Variants in MMP11 observed in about 807,000 individuals in gnomAD.
The protein encoded by MMP11 is stromelysin-3.
MMP11 carries 26 observed loss-of-function variants against 49.5 expected under a neutral mutation model. The ratio of observed to expected loss-of-function variants is 0.52; its 90% CI spans 0.38 to 0.73. The LOEUF (loss-of-function observed/expected upper bound fraction) is 0.73. Among genes scored for constraint, MMP11 ranks in the 30% least tolerant of loss-of-function variants. MMP11 has a pLI of 0.00. For missense variants in MMP11, 624 were observed against 671.2 expected, an observed-to-expected ratio of 0.93 and a Z score of 0.78; for synonymous variants, 265 against 282.3, an observed-to-expected ratio of 0.94 and a Z score of 0.62.
In MMP11 at chr22:23,780,357, A is replaced by G. The variant is rs758435089; in HGVS notation, c.339-2A>G. The G allele has an allele frequency of 6.2e-7, 1 of 1,612,656 alleles. No individual in the cohort carries two copies. The highest frequency in any genetic ancestry group is 1.1e-5 in the South Asian group (1 of 91,026). On this transcript the variant is annotated splice_acceptor_variant, in intron 2 of 7. Transcript: ENST00000215743. LOFTEE classifies it high-confidence loss of function. This position sits in a 1 kb window ranked among gnomAD's most constrained non-coding sequence, Gnocchi z 4.6. ...GGCCCAGGCCCCTCCATCTCCCTCC[A>G]GGATCCTTCGGTTCCCATGGCAGTT...
At chr22:23,774,917 C>T (rs1927358476) in intron 1 of MMP11, among the ~76,000 whole-genome samples, 1 of 152,184 alleles carries the variant, frequency 6.6e-6, no homozygotes, top group Non-Finnish European at 1.5e-5. Context: ...GCGGGGTTGA[C>T]TCCGAGTCTC....
Position 23,781,218 on chromosome 22 carries a change from A to C in MMP11, c.884A>C (p.Glu295Ala), listed in dbSNP as rs780066934. 8.7e-6 allele frequency: 14 copies of C among 1,611,520 alleles called. No individual in the cohort carries two copies. The highest frequency in any genetic ancestry group is 1.2e-5 in the Non-Finnish European group (14 of 1,180,012). The change falls in exon 6 of 8, where the codon GAG becomes GCG. Residue 295 changes from glutamate (E) to alanine (A), a missense_variant. Physicochemically the swap from Glu to Ala is moderately radical, Grantham distance 107. Coordinates refer to ENST00000215743, the MANE Select transcript of MMP11 (RefSeq NM_005940.5). ...CCAGACGCCCCGCCAGATGCCTGTG[A>C]GGCCTCCTTTGACGCGGTCTCCACC... ...LEPDAPPDAC[E>A]ASFDAVSTIR...
In MMP11 at chr22:23,784,267, CTTTTTT is replaced by C. The variant is rs56393727; in HGVS notation, c.*731_*736del. On this transcript the variant is annotated 3_prime_UTR_variant, in exon 8 of 8. Transcript: ENST00000215743. Reference sequence around the variant, plus strand: ...TACAGTGTGTATAAACCTTCTTCTTCTTTTTTTTTTTTTAAACTGAGGATTGTCATT... The same window carrying C: ...TACAGTGTGTATAAACCTTCTTCTTCTTTTTTTAAACTGAGGATTGTCATT... 7 of 148,732 alleles carry C rather than the reference CTTTTTT, an allele frequency of 4.7e-5. No homozygotes were observed. The highest frequency in any genetic ancestry group is 8.9e-5 in the Non-Finnish European group (6 of 67,098). 9.2% of individuals were successfully genotyped at this position (148,732 alleles called of 1,614,324 possible).
At chr22:23,781,560 T>C (rs1003630717) in intron 6 of MMP11, 151 bp downstream of exon 6, 42 of 760,270 alleles carry the variant, frequency 5.5e-5, no homozygotes, top group Non-Finnish European at 8.2e-5. Flanking sequence ...GAGTGTGGTT[T>C]GTTCCTCAGG....
In MMP11 at chr22:23,780,415, A is replaced by T. The variant is rs1413913654; in HGVS notation, c.395A>T (p.Glu132Val). 6.2e-7 allele frequency: 1 copy of T among 1,613,912 alleles called. No homozygotes were observed. The highest frequency in any genetic ancestry group is 8.5e-7 in the Non-Finnish European group (1 of 1,180,032). Reference protein sequence around the residue: ...VQEQVRQTMAEALKVWSDVTP... With the variant: ...VQEQVRQTMAVALKVWSDVTP... Reference sequence around the variant, plus strand: ...GAGCAGGTGCGGCAGACGATGGCAGAGGCCCTAAAGGTATGGAGCGATGTG... The same window carrying T: ...GAGCAGGTGCGGCAGACGATGGCAGTGGCCCTAAAGGTATGGAGCGATGTG... Residue 132 changes from glutamate (E) to valine (V), a missense_variant, in exon 3 of 8, where the codon GAG becomes GTG. Coordinates refer to ENST00000215743, the MANE Select transcript of MMP11 (RefSeq NM_005940.5). This position sits in a 1 kb window ranked among gnomAD's most constrained non-coding sequence, Gnocchi z 4.6.
At chr22:23,776,948 C>T (rs987049725) in intron 1 of MMP11, among the ~76,000 whole-genome samples, 1 of 151,720 alleles carries the variant, frequency 6.6e-6, no homozygotes, top group Admixed American at 6.6e-5. Context: ...GCTGGGACTA[C>T]AGGAGCCCGC....
At chr22:23,781,142 A>G in intron 5 of MMP11, 42 bp downstream of exon 5, 2 of 1,606,994 alleles carry the variant, frequency 1.2e-6, no homozygotes, top group Non-Finnish European at 1.7e-6. Flanking sequence ...TCTGCTGGCC[A>G]CTGTGACTGC....
intron 1 of MMP11, among the ~76,000 whole-genome samples, chr22:23,776,871 G>A (rs1414755122): frequency 1.3e-5 from 2 of 149,808 alleles, no homozygotes; most frequent in African/African-American, 2.5e-5. Context: ...GCTGTGGCAC[G>A]ATCTCGGCTC....
Position 23,772,920 on chromosome 22 carries a change from C to A in MMP11, c.50C>A (p.Pro17His). 1 of 1,206,636 alleles carries A rather than the reference C, an allele frequency of 8.3e-7. No individual in the cohort carries two copies. The highest frequency in any genetic ancestry group is 1.0e-6 in the Non-Finnish European group (1 of 968,888). The allele number at this position is 1,206,636 out of a possible 1,614,324, so 74.7% of individuals were successfully genotyped here. A position where few individuals can be genotyped will look rare whatever the true frequency, so the allele number is the denominator to read the frequency against. The change falls in exon 1 of 8, where the codon CCC (proline) becomes CAC (histidine). Residue 17 changes from proline (P) to histidine (H), a missense_variant. Pro to His is a moderately conservative substitution (Grantham distance 77). Coordinates refer to ENST00000215743, the MANE Select transcript of MMP11 (RefSeq NM_005940.5). ...LRSAAARALL[P>H]PMLLLLLQPP... ...AGCGCGGCCGCGCGCGCCCTCCTGCCCCCGATGCTGCTGCTGCTGCTCCAG... is the reference window on the plus strand; with the variant it reads ...AGCGCGGCCGCGCGCGCCCTCCTGCACCCGATGCTGCTGCTGCTGCTCCAG...
In MMP11 at chr22:23,780,251, T is replaced by C; in HGVS notation, c.339-108T>C. ...TGAGGCCCAGAGTACACCTGGCCTGTGTCCTGAGTGTTCACACACCCACCA... is the reference window on the plus strand; with the variant it reads ...TGAGGCCCAGAGTACACCTGGCCTGCGTCCTGAGTGTTCACACACCCACCA... On this transcript the variant is annotated intron_variant, in intron 2 of 7. Transcript: ENST00000215743. The surrounding 1 kb of genome is among the most constrained non-coding windows in gnomAD (Gnocchi z 4.6). The C allele has an allele frequency of 7.2e-7, 1 of 1,391,498 alleles. No individual in the cohort carries two copies. The highest frequency in any genetic ancestry group is 9.9e-7 in the Non-Finnish European group (1 of 1,005,354). 86.2% of individuals were successfully genotyped at this position (1,391,498 alleles called of 1,614,324 possible).
Position 23,779,324 on chromosome 22 carries a change from G to A in MMP11, c.246G>A (p.Val82=), listed in dbSNP as rs1252284883. 1 of 1,612,844 alleles carries A rather than the reference G, an allele frequency of 6.2e-7. No homozygotes were observed. Among genetic ancestry groups the A allele is most frequent in the South Asian group, 1.1e-5 (1 of 90,954 alleles). The change falls in exon 2 of 8, where the codon GTG becomes GTA. Residue 82 remains valine (V), a synonymous_variant. Transcript: ENST00000215743. The part of the protein sequence containing the change: ...ASSLRPPRCG[V]PDPSDGLSAR... ...GCCTCAGGCCTCCCCGCTGTGGCGT[G>A]CCCGACCCATCTGATGGGCTGAGTG...
chr22:23,773,441 G>A (rs1927306501), intron 1 of MMP11, among the ~76,000 whole-genome samples: 1 of 152,232 alleles, frequency 6.6e-6, no homozygotes, highest in Admixed American at 6.5e-5. Context: ...AGGGAGGGCA[G>A]CGCTGTGCTG....
In MMP11 at chr22:23,781,376, G is replaced by A. The variant is rs200864019; in HGVS notation, c.1042G>A (p.Glu348Lys). The A allele has an allele frequency of 4.3e-6, 7 of 1,611,356 alleles. No individual in the cohort carries two copies. The Admixed American group carries it at 8.4e-5, about 19-fold the overall frequency. ...GCCCAGCCCTGTGGACGCTGCCTTC[G>A]AGGATGCCCAGGGCCACATTTGGTT... ...GLPSPVDAAF[E>K]DAQGHIWFFQ... Residue 348 changes from glutamate (E) to lysine (K), a missense_variant, in exon 6 of 8, where the codon GAG becomes AAG. Glu to Lys is a moderately conservative substitution (Grantham distance 56, BLOSUM62 1). Transcript: ENST00000215743.
chr22:23,773,079 G>T, intron 1 of MMP11, 101 bp downstream of exon 1: 1 of 1,060,820 alleles, frequency 9.4e-7, no homozygotes, highest in Non-Finnish European at 1.1e-6. Flanking sequence ...GCCCCGGGTG[G>T]CCTCCAGCGC....
In MMP11 at chr22:23,776,746, A is replaced by G. The variant is rs1927422916; in HGVS notation, c.109-2441A>G. Among the ~76,000 whole-genome samples, 3 of 151,520 alleles carry G rather than the reference A, an allele frequency of 2.0e-5. No individual in the cohort carries two copies. In the South Asian group the frequency reaches 6.2e-4, roughly 32 times the overall value. On this transcript the variant is annotated intron_variant, in intron 1 of 7. Transcript: ENST00000215743. The stretch of plus-strand genomic sequence containing the variant: ...GGTGGAGTTGGTGAGAGGTTCCATC[A>G]GGGGCTAAGAGCAAGTCTGTGGAGC...
Position 23,783,731 on chromosome 22 carries a change from T to C in MMP11, c.*187T>C. 1.4e-6 allele frequency: 1 copy of C among 710,040 alleles called. No individual in the cohort carries two copies. Among genetic ancestry groups the C allele is most frequent in the Non-Finnish European group, 2.3e-6 (1 of 428,736 alleles). The allele number at this position is 710,040 out of a possible 1,614,324, so 44.0% of individuals were successfully genotyped here. On this transcript the variant is annotated 3_prime_UTR_variant, in exon 8 of 8. Coordinates refer to ENST00000215743, the MANE Select transcript of MMP11 (RefSeq NM_005940.5). ...GAGGGCCACGCAGGTCGTGGTCACC[T>C]GCCAGCGACTGTCTCAGACTGGGCA...
Position 23,783,533 on chromosome 22 carries a change from A to C in MMP11, c.1456A>C (p.Thr486Pro), listed in dbSNP as rs776825461. The C allele has an allele frequency of 2.7e-5, 43 of 1,613,940 alleles. No individual in the cohort carries two copies. The Admixed American group carries it at 7.0e-4, about 26-fold the overall frequency. The change falls in exon 8 of 8, where the codon ACT becomes CCT. Residue 486 changes from threonine (T) to proline (P), a missense_variant. Transcript: ENST00000215743. ...CTTTGGCTGTGCCGAGCCTGCCAAC[A>C]CTTTCCTCTGACCATGGCTTGGATG... ...DFFGCAEPAN[T>P]FL
chr22:23,781,899 G>T (rs1477782693), intron 6 of MMP11: 2 of 647,844 alleles, frequency 3.1e-6, no homozygotes, highest in Non-Finnish European at 5.9e-6. Context: ...TTCCAGGGCA[G>T]TCCAGCCTGC....
Position 23,772,928 on chromosome 22 carries a change from C to CTGCT in MMP11, c.59_62dup (p.Leu22AlafsTer38). 4 of 1,191,236 alleles carry CTGCT rather than the reference C, an allele frequency of 3.4e-6. No homozygotes were observed. Among genetic ancestry groups the CTGCT allele is most frequent in the Non-Finnish European group, 4.2e-6 (4 of 954,670 alleles). The allele number at this position is 1,191,236 out of a possible 1,614,324, so 73.8% of individuals were successfully genotyped here. A position where few individuals can be genotyped will look rare whatever the true frequency, so the allele number is the denominator to read the frequency against. ...CGCGCGCGCCCTCCTGCCCCCGATG[C>CTGCT]TGCTGCTGCTGCTCCAGCCGCCGCC... On this transcript the variant is annotated frameshift_variant, in exon 1 of 8. Coordinates refer to ENST00000215743, the MANE Select transcript of MMP11 (RefSeq NM_005940.5). LOFTEE classifies it high-confidence loss of function.
Sources: allele counts gnomAD v4.1 joint callset (sites outside exome capture counted in the v4.1 genomes callset), GRCh38; gene constraint gnomAD v4.1.1; non-coding constraint Gnocchi (gnomAD v3.1); transcripts MANE v1.5; gene names NCBI Gene and HGNC (gene_info 2026-07-23, HGNC 2026-07-21).